RGL1: variants seen among roughly 807,000 people sequenced by gnomAD.
The protein encoded by RGL1 is ral guanine nucleotide dissociation stimulator like 1.
In RGL1, 24 loss-of-function variants were observed where a neutral mutation model predicts 95.2. The ratio of observed to expected loss-of-function variants is 0.25; its 90% CI spans 0.18 to 0.35. The LOEUF is 0.35. Among genes scored for constraint, RGL1 ranks in the 10% least tolerant of loss-of-function variants. The pLI, the probability that RGL1 is intolerant of heterozygous loss-of-function variation, is 1.00. For synonymous variants in RGL1, 329 were observed against 344.9 expected (o/e 0.95, Z 0.51); for missense variants, 715 against 936.3 (o/e 0.76, Z 3.08).
upstream of RGL1, among the ~76,000 whole-genome samples, chr1:183,803,900 C>T (rs1024254947): frequency 1.3e-5 from 2 of 152,234 alleles, no homozygotes; most frequent in East Asian, 3.9e-4. Flanking sequence ...GTTTTTCGTT[C>T]GTTTGTTTTT....
chr1:183,919,648 A>G (rs2102752965), intron 16 of RGL1, among the ~76,000 whole-genome samples: 1 of 152,252 alleles, frequency 6.6e-6, no homozygotes, highest in Non-Finnish European at 1.5e-5. Flanking sequence ...TTGTAAAATT[A>G]CCTCCTCAGT....
intron 1 of RGL1, among the ~76,000 whole-genome samples, chr1:183,668,940 C>CTT (rs57387852): frequency 2.2e-5 from 3 of 137,962 alleles, no homozygotes; most frequent in South Asian, 2.2e-4. Context: ...ACTTTCTTTT[C>CTT]TTTTTTTTTT....
intron 2 of RGL1, among the ~76,000 whole-genome samples, chr1:183,755,918 T>C (rs1658304522): frequency 6.6e-6 from 1 of 151,602 alleles, no homozygotes; most frequent in East Asian, 1.9e-4. Context: ...AGTTTTGCTC[T>C]TGTTGCCCAG....
chr1:183,723,942 T>C (rs1656166558), intron 1 of RGL1, among the ~76,000 whole-genome samples: 1 of 151,972 alleles, frequency 6.6e-6, no homozygotes, highest in South Asian at 2.1e-4. Flanking sequence ...TAAAGAGGAC[T>C]TTGTCTTGCA....
At chr1:183,850,698 A>G (rs1664779765) in intron 3 of RGL1, among the ~76,000 whole-genome samples, 1 of 152,222 alleles carries the variant, frequency 6.6e-6, no homozygotes, top group African/African-American at 2.4e-5. Flanking sequence ...TTCTTTATAT[A>G]GGCAGGATCT....
chr1:183,871,807 A>T (rs1666199946), intron 4 of RGL1, among the ~76,000 whole-genome samples: 1 of 152,254 alleles, frequency 6.6e-6, no homozygotes, highest in Non-Finnish European at 1.5e-5. Flanking sequence ...GGACTCCCAC[A>T]TGCGGAGTAC....
At chr1:183,901,477 C>T (rs1345348638) in intron 11 of RGL1, among the ~76,000 whole-genome samples, 1 of 151,852 alleles carries the variant, frequency 6.6e-6, no homozygotes, top group Non-Finnish European at 1.5e-5. Context: ...AGCCTAGGTG[C>T]CAGAGTGAGA....
At chr1:183,850,151 T>C (rs1389276562) in intron 3 of RGL1, among the ~76,000 whole-genome samples, 3 of 152,254 alleles carry the variant, frequency 2.0e-5, no homozygotes, top group Non-Finnish European at 4.4e-5. Flanking sequence ...AAAATTCTTA[T>C]TGGCTGTTTG....
At chr1:183,877,436 T>C (rs1388820517) in intron 4 of RGL1, among the ~76,000 whole-genome samples, 1 of 152,244 alleles carries the variant, frequency 6.6e-6, no homozygotes, top group Non-Finnish European at 1.5e-5. Context: ...TTCGCATTTG[T>C]ATCTGCTTCT....
At chr1:183,871,719 G>C (rs569594542) in intron 4 of RGL1, among the ~76,000 whole-genome samples, 3 of 152,308 alleles carry the variant, frequency 2.0e-5, no homozygotes, top group African/African-American at 4.8e-5. Flanking sequence ...CATTCAAGAT[G>C]AAAAATTGGT....
chr1:183,784,329 G>T (rs980410456), intron 2 of RGL1, among the ~76,000 whole-genome samples: 13 of 152,232 alleles, frequency 8.5e-5, no homozygotes, highest in Admixed American at 7.2e-4. Context: ...GCACTTAGAA[G>T]TGTAATCAAG....
At chr1:183,874,477 A>G (rs1407033039) in intron 4 of RGL1, among the ~76,000 whole-genome samples, 3 of 150,684 alleles carry the variant, frequency 2.0e-5, no homozygotes, top group Admixed American at 1.3e-4. Flanking sequence ...TCTTCCTTTC[A>G]TAATCTTTTT....
intron 2 of RGL1, among the ~76,000 whole-genome samples, chr1:183,828,725 A>G (rs1663053139): frequency 1.3e-5 from 2 of 152,238 alleles, no homozygotes; most frequent in Admixed American, 6.5e-5. Flanking sequence ...ATGATTCCCA[A>G]TCTGAAATTT....
intron 14 of RGL1, among the ~76,000 whole-genome samples, chr1:183,908,522 T>C (rs74133030): frequency 0.015 from 2,329 of 152,342 alleles, 79 homozygotes; most frequent in African/African-American, 0.054. Context: ...ATTTATGAGC[T>C]TTTGGAGTCA....
At chr1:183,780,581 A>G (rs1007152653) in intron 2 of RGL1, among the ~76,000 whole-genome samples, 1 of 152,188 alleles carries the variant, frequency 6.6e-6, no homozygotes, top group African/African-American at 2.4e-5. Context: ...TGGGATTACC[A>G]TCAGGTAGGA....
intron 1 of RGL1, among the ~76,000 whole-genome samples, chr1:183,738,117 T>C (rs1177594978): frequency 6.6e-6 from 1 of 152,186 alleles, no homozygotes; most frequent in African/African-American, 2.4e-5. Context: ...GCCTTGACTA[T>C]GTGTTTTAAG....
At chr1:183,833,849 G>A (rs1174456781) in intron 2 of RGL1, among the ~76,000 whole-genome samples, 4 of 151,984 alleles carry the variant, frequency 2.6e-5, no homozygotes, top group African/African-American at 9.7e-5. Flanking sequence ...TTCGGTTAAT[G>A]GCCCTACCTG....
intron 1 of RGL1, among the ~76,000 whole-genome samples, chr1:183,711,220 T>TG (rs1655245226): frequency 6.6e-6 from 1 of 152,168 alleles, no homozygotes; most frequent in South Asian, 2.1e-4. Context: ...GCACACCCTC[T>TG]GCACTCTACT....
intron 2 of RGL1, among the ~76,000 whole-genome samples, chr1:183,786,345 A>C (rs1660179442): frequency 6.6e-6 from 1 of 152,244 alleles, no homozygotes. Flanking sequence ...TTGAGGATAC[A>C]GTGAACTATG....
Sources: gnomAD v4.1 joint callset for allele counts (sites outside exome capture counted in the v4.1 genomes callset) on GRCh38, gnomAD v4.1.1 for gene constraint, MANE v1.5 for transcripts, NCBI Gene and HGNC (gene_info 2026-07-23, HGNC 2026-07-21) for gene names.